Variants in LIMD1 observed in about 807,000 individuals in gnomAD.
LIMD1 encodes LIM domain containing 1.
In LIMD1, 23 loss-of-function variants were observed where a neutral mutation model predicts 58.4. That is an observed-to-expected ratio of 0.39 (90% confidence interval 0.28 to 0.56). The LOEUF (loss-of-function observed/expected upper bound fraction) is 0.56. Among genes scored for constraint, LIMD1 ranks in the 20% least tolerant of loss-of-function variants. The pLI is 0.57. For missense variants in LIMD1, 838 were observed against 855.5 expected (o/e 0.98, Z 0.25); for synonymous variants, 334 against 345.5 (o/e 0.97, Z 0.37).
chr3:45,630,804 T>A (rs563434366), intron 1 of LIMD1, among the ~76,000 whole-genome samples: 1 of 152,276 alleles, frequency 6.6e-6, no homozygotes, highest in South Asian at 2.1e-4. Context: ...GGGGCTCAGA[T>A]TCCCTCTTTC....
Position 45,595,485 on chromosome 3 carries a change from G to C in LIMD1, c.606G>C (p.Leu202=), listed in dbSNP as rs1259260567. Residue 202 remains leucine (L), a synonymous_variant, in exon 1 of 8, where the codon CTG becomes CTC. Coordinates refer to ENST00000273317, the MANE Select transcript of LIMD1 (RefSeq NM_014240.3). ...CAGGAGTGTCCCCCAGCATCGGCCT[G>C]AGTGTAGGGAGTGGGTGGCCTAGCT... The part of the protein sequence containing the change: ...DKPGVSPSIG[L]SVGSGWPSSP... The C allele has an allele frequency of 4.3e-6, 7 of 1,613,954 alleles. 1 individual carries two copies. The South Asian group carries it at 7.7e-5, about 18-fold the overall frequency.
At chr3:45,633,876 T>C (rs1041742438) in intron 1 of LIMD1, among the ~76,000 whole-genome samples, 6 of 152,042 alleles carry the variant, frequency 3.9e-5, no homozygotes, top group Non-Finnish European at 8.8e-5. Flanking sequence ...TGATATGAAC[T>C]CTGAAACACA....
At chr3:45,670,772 A>T (rs1263760881) in intron 4 of LIMD1, among the ~76,000 whole-genome samples, 1 of 152,188 alleles carries the variant, frequency 6.6e-6, no homozygotes, top group Non-Finnish European at 1.5e-5. Context: ...ACCATATGGG[A>T]TAGTATGAAG....
chr3:45,629,594 G>T (rs1701706257), intron 1 of LIMD1, among the ~76,000 whole-genome samples: 1 of 152,060 alleles, frequency 6.6e-6, no homozygotes, highest in South Asian at 2.1e-4. Context: ...AACCACCCCA[G>T]CCTGCCTTGC....
At chr3:45,635,109 A>C (rs1191232709) in intron 1 of LIMD1, 2 of 152,382 alleles carry the variant, frequency 1.3e-5, no homozygotes, top group African/African-American at 4.8e-5. Flanking sequence ...TTGATTGTGC[A>C]TTCCTGTAGT....
At chr3:45,612,299 G>T (rs1288504709) in intron 1 of LIMD1, among the ~76,000 whole-genome samples, 2 of 152,208 alleles carry the variant, frequency 1.3e-5, no homozygotes, top group Admixed American at 6.5e-5. Context: ...GCCCAGGCTG[G>T]TCTTGAACTC....
At chr3:45,597,014 A>C (rs1575339348) in intron 1 of LIMD1, among the ~76,000 whole-genome samples, 1 of 141,550 alleles carries the variant, frequency 7.1e-6, no homozygotes, top group Non-Finnish European at 1.5e-5. Context: ...GGCACGTGCC[A>C]CCACACCTGG....
chr3:45,668,051 C>T (rs1018033581), intron 3 of LIMD1, among the ~76,000 whole-genome samples: 19 of 152,194 alleles, frequency 1.2e-4, no homozygotes, highest in Admixed American at 3.3e-4. Flanking sequence ...TAGAGCCTGG[C>T]ATGCTGTGGG....
At chr3:45,640,453 G>T (rs1423738343) in intron 2 of LIMD1, among the ~76,000 whole-genome samples, 4 of 152,014 alleles carry the variant, frequency 2.6e-5, no homozygotes, top group African/African-American at 9.7e-5. Context: ...TTTTAAGACG[G>T]ATCTCACTCT....
chr3:45,594,978 G>C lies in LIMD1; in HGVS notation c.99G>C (p.Lys33Asn), dbSNP rs147380649. 14 of 1,613,916 alleles carry C rather than the reference G, an allele frequency of 8.7e-6. No homozygotes were observed. In the African/African-American group the frequency reaches 1.3e-4, roughly 15 times the overall value. Residue 33 changes from lysine to asparagine, a missense_variant, in exon 1 of 8, where the codon AAG (lysine) becomes AAC (asparagine). Physicochemically the swap from Lys to Asn is moderately conservative, Grantham distance 94. Around this residue, in one of 3 missense-constraint regions of LIMD1, gnomAD observed 659 missense variants for 639.8 expected, o/e 1.03. Transcript: ENST00000273317. ...ASKDGLFRVD[K>N]GAGNNPEFEE... ...AGGATGGGCTCTTCCGAGTGGACAA[G>C]GGTGCAGGCAACAACCCCGAGTTTG...
At chr3:45,611,088 C>T (rs1040088073) in intron 1 of LIMD1, among the ~76,000 whole-genome samples, 3 of 152,232 alleles carry the variant, frequency 2.0e-5, no homozygotes, top group African/African-American at 4.8e-5. Context: ...AACACATGGT[C>T]GTTTGCTGTA....
chr3:45,606,954 C>T (rs1311272908), intron 1 of LIMD1, among the ~76,000 whole-genome samples: 4 of 152,094 alleles, frequency 2.6e-5, no homozygotes, highest in African/African-American at 9.7e-5. Context: ...CCACCTTGGC[C>T]GGCTAATTTC....
At chr3:45,637,712 A>G (rs942577834) in intron 2 of LIMD1, among the ~76,000 whole-genome samples, 2 of 152,008 alleles carry the variant, frequency 1.3e-5, no homozygotes, top group African/African-American at 4.8e-5. Context: ...GCTCACAGCC[A>G]GAGATCCTAA....
intron 1 of LIMD1, among the ~76,000 whole-genome samples, chr3:45,625,192 G>A (rs1559517593): frequency 6.6e-6 from 1 of 152,032 alleles, no homozygotes. Context: ...GTTATATATA[G>A]TTGAGGTTCC....
chr3:45,624,613 C>T (rs1221189365), intron 1 of LIMD1, among the ~76,000 whole-genome samples: 1 of 152,176 alleles, frequency 6.6e-6, no homozygotes, highest in African/African-American at 2.4e-5. Flanking sequence ...GTCCCAGCTA[C>T]TCAGGAGGCT....
chr3:45,607,172 G>A (rs1001328000), intron 1 of LIMD1, among the ~76,000 whole-genome samples: 7 of 152,176 alleles, frequency 4.6e-5, no homozygotes, highest in Non-Finnish European at 1.0e-4. Flanking sequence ...AAACAAAACA[G>A]GTCACCGAAA....
At chr3:45,608,705 T>G (rs1176444707) in intron 1 of LIMD1, among the ~76,000 whole-genome samples, 1 of 151,952 alleles carries the variant, frequency 6.6e-6, no homozygotes, top group African/African-American at 2.4e-5. Flanking sequence ...CTGGGTGTGG[T>G]GGCGCATGCC....
chr3:45,631,629 A>G (rs2125657120), intron 1 of LIMD1, among the ~76,000 whole-genome samples: 1 of 152,316 alleles, frequency 6.6e-6, no homozygotes, highest in East Asian at 1.9e-4. Context: ...AGCTGAAGGC[A>G]GAGGGTCACA....
intron 1 of LIMD1, among the ~76,000 whole-genome samples, chr3:45,614,803 A>C (rs180913270): frequency 6.6e-6 from 1 of 150,640 alleles, no homozygotes; most frequent in Admixed American, 6.6e-5. Context: ...TAAACCTTAA[A>C]CACAGCTAAC....
Sources: allele counts gnomAD v4.1 joint callset (sites outside exome capture counted in the v4.1 genomes callset), GRCh38; gene constraint gnomAD v4.1.1; regional missense constraint gnomAD v4.1.1; transcripts MANE v1.5; gene names NCBI Gene and HGNC (gene_info 2026-07-23, HGNC 2026-07-21).